L3MBTL1: variants seen among roughly 807,000 people sequenced by gnomAD.
L3MBTL1 encodes the protein lethal(3)malignant brain tumor-like protein 1.
L3MBTL1 carries 75 observed loss-of-function variants against 105.3 expected under a neutral mutation model. The ratio of observed to expected loss-of-function variants is 0.71; its 90% CI spans 0.59 to 0.86. L3MBTL1 has a LOEUF of 0.86. L3MBTL1 is among the 40% of genes least tolerant of loss of function. L3MBTL1 has a pLI of 0.00. For missense variants in L3MBTL1, 1,069 were observed against 1,126.4 expected, an observed-to-expected ratio of 0.95 and a Z score of 0.73; for synonymous variants, 452 against 436.2, an observed-to-expected ratio of 1.04 and a Z score of -0.45.
chr20:43,537,258 G>T (rs560655373), intron 19 of L3MBTL1, among the ~76,000 whole-genome samples: 1 of 152,342 alleles, frequency 6.6e-6, no homozygotes, highest in South Asian at 2.1e-4. Context: ...TTACACAATA[G>T]AAATTTATTT....
At chr20:43,522,182 C>T (rs2018745013) in intron 7 of L3MBTL1, among the ~76,000 whole-genome samples, 1 of 152,068 alleles carries the variant, frequency 6.6e-6, no homozygotes, top group East Asian at 1.9e-4. Flanking sequence ...TGGTGAAACC[C>T]CATCTCTACT....
At chr20:43,524,221 T>G (rs2018896183) in intron 7 of L3MBTL1, among the ~76,000 whole-genome samples, 2 of 152,252 alleles carry the variant, frequency 1.3e-5, no homozygotes, top group Non-Finnish European at 2.9e-5. Context: ...TATTTTGATT[T>G]TTAAATTTCA....
chr20:43,527,496 G>C (rs574605120), intron 7 of L3MBTL1, among the ~76,000 whole-genome samples: 24 of 147,962 alleles, frequency 1.6e-4, no homozygotes, highest in African/African-American at 6.0e-4. Flanking sequence ...AGGACCCTGA[G>C]ACTTGGAGGC....
At chr20:43,527,721 TC>T (rs2019106669) in intron 7 of L3MBTL1, among the ~76,000 whole-genome samples, 1 of 151,372 alleles carries the variant, frequency 6.6e-6, no homozygotes, top group Non-Finnish European at 1.5e-5. Context: ...AAAAAGTGTT[TC>T]TTTTTTTTTT....
chr20:43,514,910 A>G, intron 4 of L3MBTL1, 99 bp from the exon 5 acceptor site: 21 of 1,489,832 alleles, frequency 1.4e-5, no homozygotes, highest in Non-Finnish European at 1.9e-5. Flanking sequence ...TCCGATGCGG[A>G]GATGGACCGA....
intron 19 of L3MBTL1, chr20:43,539,917 A>G (rs908444766): frequency 8.2e-6 from 5 of 612,332 alleles, no homozygotes; most frequent in African/African-American, 1.8e-5. Context: ...GGTGAGGGTC[A>G]TTCCGAATAG....
exon 19 of L3MBTL1, chr20:43,550,131 A>G (rs1978888488): frequency 6.6e-6 from 1 of 151,916 alleles, no homozygotes; most frequent in African/African-American, 2.4e-5. Context: ...GAACAAGTCT[A>G]AGCCTTGCTT....
chr20:43,541,138 T>G lies in L3MBTL1; in HGVS notation c.*10T>G. ...TGATAGTCAATATTAAAGTGTACTT[T>G]TTTCCCCTTTAATCCAATATAGTTG... On this transcript the variant is annotated 3_prime_UTR_variant, in exon 22 of 22. Coordinates refer to ENST00000418998, the MANE Select transcript of L3MBTL1 (RefSeq NM_001377303.1). 3.1e-6 allele frequency: 5 copies of G among 1,610,290 alleles called. No homozygotes were observed. Among genetic ancestry groups the G allele is most frequent in the Non-Finnish European group, 3.4e-6 (4 of 1,176,866 alleles).
rs536859070 is a variant in L3MBTL1, at chr20:43,539,255, A to T, written c.2174-896A>T. 3 of 152,538 alleles carry T rather than the reference A, an allele frequency of 2.0e-5. No individual in the cohort carries two copies. The East Asian group carries it at 5.8e-4, about 29-fold the overall frequency. The allele number at this position is 152,538 out of a possible 1,614,324, so 9.4% of individuals were successfully genotyped here. On this transcript the variant is annotated intron_variant, in intron 19 of 21. Transcript: ENST00000418998. ...TCTGGAATTAGCACCAGGAGAATAA[A>T]GAGCCAATGCTCCTGGACCATGGAC...
Position 43,536,247 on chromosome 20 carries a change from G to A in L3MBTL1, c.2076G>A (p.Lys692=). Residue 692 remains lysine (K), a synonymous_variant, in exon 18 of 22, where the codon AAG becomes AAA. Transcript: ENST00000418998. ...ACTCGGAGGCCTCAGCCCGCAAGAA[G>A]AACCTCTCAGGCTTCTCCCCAAGGA... The part of the protein sequence containing the change: ...LSDSEASARK[K]NLSGFSPRKK... 6.2e-7 allele frequency: 1 copy of A among 1,612,362 alleles called. No individual in the cohort carries two copies. The highest frequency in any genetic ancestry group is 1.1e-5 in the South Asian group (1 of 90,916).
intron 1 of L3MBTL1, among the ~76,000 whole-genome samples, chr20:43,512,564 C>G (rs1220328423): frequency 2.6e-5 from 4 of 152,104 alleles, no homozygotes; most frequent in Non-Finnish European, 5.9e-5. Flanking sequence ...AATTCAGTTC[C>G]TCAGTCATAG....
At position 43,513,520 on chromosome 20, in the gene L3MBTL1, A is replaced by G; in HGVS notation, c.17A>G (p.Glu6Gly). The G allele has an allele frequency of 1.9e-6, 3 of 1,550,758 alleles. No homozygotes were observed. The highest frequency in any genetic ancestry group is 1.7e-6 in the Non-Finnish European group (2 of 1,147,004). The change falls in exon 2 of 22, where the codon GAA (glutamate) becomes GGA (glycine). Residue 6 changes from glutamate (E) to glycine (G), a missense_variant. Transcript: ENST00000418998. MEGHAEMEMLRTLKGP... is the reference protein window; with the variant it reads MEGHAGMEMLRTLKGP... Reference sequence around the variant, plus strand: ...CATGCTGGGATGGAGGGGCATGCTGAAATGGAGATGCTGAGGACACTGAAG... The same window carrying G: ...CATGCTGGGATGGAGGGGCATGCTGGAATGGAGATGCTGAGGACACTGAAG...
chr20:43,518,719 C>T (rs1248181526), intron 7 of L3MBTL1, among the ~76,000 whole-genome samples: 1 of 151,638 alleles, frequency 6.6e-6, no homozygotes, highest in Non-Finnish European at 1.5e-5. Context: ...ATAAATAATA[C>T]ACTTTAAGGC....
intron 1 of L3MBTL1, among the ~76,000 whole-genome samples, chr20:43,510,587 T>G (rs1294479562): frequency 6.6e-6 from 1 of 151,616 alleles, no homozygotes; most frequent in Admixed American, 6.6e-5. Context: ...TTTTATTTTT[T>G]TGTGTTTTTA....
intron 7 of L3MBTL1, among the ~76,000 whole-genome samples, chr20:43,519,251 C>T (rs950756762): frequency 5.3e-5 from 8 of 149,634 alleles, no homozygotes; most frequent in African/African-American, 1.5e-4. Context: ...GCTGGAGAAT[C>T]GCTTGAACCC....
chr20:43,515,638 G>T, intron 6 of L3MBTL1: 1 of 575,560 alleles, frequency 1.7e-6, no homozygotes. Context: ...TCTCAGTTTA[G>T]TGTCAAGGTT....
chr20:43,534,724 T>C lies in L3MBTL1; in HGVS notation c.1711-104T>C. Reference sequence around the variant, plus strand: ...AGGGTTGGCCCCTTGGTTCTTTCAATCCAGGATCTTGCTTCTGACAGGTCC... The same window carrying C: ...AGGGTTGGCCCCTTGGTTCTTTCAACCCAGGATCTTGCTTCTGACAGGTCC... On this transcript the variant is annotated intron_variant, in intron 15 of 21. Transcript: ENST00000418998. The C allele has an allele frequency of 3.9e-6, 3 of 776,190 alleles. No individual in the cohort carries two copies. In the South Asian group the frequency reaches 5.1e-5, roughly 13 times the overall value. The allele number at this position is 776,190 out of a possible 1,614,324, so 48.1% of individuals were successfully genotyped here.
intron 13 of L3MBTL1, 43 bp from the exon 14 acceptor site, chr20:43,533,965 G>T (rs2019471815): frequency 6.9e-7 from 1 of 1,448,628 alleles, no homozygotes; most frequent in African/African-American, 1.4e-5. Flanking sequence ...GGCTTCCGCA[G>T]TACACCTGGG....
At chr20:43,515,698 G>A (rs1366186093) in intron 6 of L3MBTL1, 3 of 468,544 alleles carry the variant, frequency 6.4e-6, no homozygotes, top group Non-Finnish European at 1.2e-5. Flanking sequence ...CAGGCAGCTG[G>A]AAAACTCCAT....
Sources: gnomAD v4.1 joint callset for allele counts (sites outside exome capture counted in the v4.1 genomes callset) on GRCh38, gnomAD v4.1.1 for gene constraint, MANE v1.5 for transcripts, NCBI Gene and HGNC (gene_info 2026-07-23, HGNC 2026-07-21) for gene names.